The following NR2F1-AS1 variants were observed in gnomAD, a reference collection of about 807,000 sequenced individuals.
NR2F1-AS1 encodes NR2F1 antisense RNA 1.
rs567548530 is a variant in NR2F1-AS1 at position 93,457,075 on chromosome 5, C to T, written n.639-61533G>A. 7.2e-5 allele frequency among the ~76,000 whole-genome samples: 11 copies of T among 152,242 alleles called. 1 individual carries two copies. The East Asian group carries it at 9.7e-4, about 13-fold the overall frequency. The stretch of plus-strand genomic sequence containing the variant: ...ACCCAGACATTCTATTGCCCAGGGA[C>T]GAGCAGGAGACAGATGCCTTCCTCT... On this transcript the variant is annotated intron_variant and non_coding_transcript_variant, in intron 4 of 5. Transcript: ENST00000660523.
chr5:93,543,886 C>T (rs939936023), intron 4 of NR2F1-AS1: 3 of 152,144 alleles, frequency 2.0e-5, no homozygotes, highest in African/African-American at 7.2e-5. Context: ...TATGATTCAG[C>T]ATTGAGAAGT....
At chr5:93,459,926 A>G (rs934872339) in intron 4 of NR2F1-AS1, among the ~76,000 whole-genome samples, 11 of 152,216 alleles carry the variant, frequency 7.2e-5, no homozygotes, top group African/African-American at 2.4e-4. Context: ...TGATTCTACC[A>G]TATGAAAATG....
chr5:93,456,412 A>G lies in NR2F1-AS1; in HGVS notation n.639-60870T>C, dbSNP rs181314675. 2.7e-3 allele frequency among the ~76,000 whole-genome samples: 416 copies of G among 152,310 alleles called. 1 individual carries two copies. The highest frequency in any genetic ancestry group is 9.1e-3 in the African/African-American group (378 of 41,576). On this transcript the variant is annotated intron_variant and non_coding_transcript_variant, in intron 4 of 5. Coordinates refer to ENST00000660523, the Ensembl canonical transcript of NR2F1-AS1. ...CTATGTAAAAGATCTGTACAATGAA[A>G]ACTATAAAATGTTGCTGACAAACAT...
chr5:93,489,871 G>T (rs1334845391), intron 4 of NR2F1-AS1, among the ~76,000 whole-genome samples: 2 of 152,150 alleles, frequency 1.3e-5, no homozygotes, highest in Non-Finnish European at 2.9e-5. Context: ...GGGATAGTCA[G>T]ATGTTTGGTC....
intron 3 of NR2F1-AS1, among the ~76,000 whole-genome samples, chr5:93,554,481 C>A (rs1398539878): frequency 6.6e-6 from 1 of 152,098 alleles, no homozygotes. Context: ...CTAGTTGAAT[C>A]TCCTTCATAA....
rs142312001 is a variant in NR2F1-AS1, at chr5:93,478,214, T to C, written n.638+75547A>G. On this transcript the variant is annotated intron_variant and non_coding_transcript_variant, in intron 4 of 5. Transcript: ENST00000660523. ...GTAGAAAGACATACAATATGGAATC[T>C]ATGTCAGCAATAAGAGAAAAGACTG... 2.1e-3 allele frequency among the ~76,000 whole-genome samples: 319 copies of C among 152,284 alleles called. 2 individuals carry two copies. The highest frequency in any genetic ancestry group is 7.4e-3 in the African/African-American group (308 of 41,556).
At chr5:93,580,304 G>A (rs911241955) in intron 1 of NR2F1-AS1, among the ~76,000 whole-genome samples, 4 of 152,254 alleles carry the variant, frequency 2.6e-5, no homozygotes, top group African/African-American at 9.6e-5. Context: ...GGCCGAGCGA[G>A]GGCAACTCCC....
intron 4 of NR2F1-AS1, among the ~76,000 whole-genome samples, chr5:93,503,086 AT>A (rs1751117424): frequency 6.6e-6 from 1 of 152,192 alleles, no homozygotes; most frequent in African/African-American, 2.4e-5. Context: ...AACTATAAAA[AT>A]TTCTAACATA....
At chr5:93,568,259 G>C (rs1231429302) in intron 1 of NR2F1-AS1, among the ~76,000 whole-genome samples, 1 of 151,986 alleles carries the variant, frequency 6.6e-6, no homozygotes, top group Admixed American at 6.6e-5. Context: ...AGATAAATGT[G>C]GTTTTCTTTT....
intron 2 of NR2F1-AS1, among the ~76,000 whole-genome samples, chr5:93,562,027 A>G (rs1752499407): frequency 6.6e-6 from 1 of 151,714 alleles, no homozygotes; most frequent in Non-Finnish European, 1.5e-5. Flanking sequence ...GAAAAACTCT[A>G]AGATTTTTTT....
At chr5:93,461,658 T>C (rs1387930239) in intron 4 of NR2F1-AS1, among the ~76,000 whole-genome samples, 2 of 151,860 alleles carry the variant, frequency 1.3e-5, no homozygotes, top group Non-Finnish European at 2.9e-5. Flanking sequence ...AGCAAAGAGG[T>C]TCTCAAAGGA....
chr5:93,495,628 G>GA lies in NR2F1-AS1; in HGVS notation n.638+58132_638+58133insT, dbSNP rs1750942986. ...TAATACCTACTGTTTTACTCTATTT[G>GA]GAAAAAAAAATTGGACCTCAAAGTT... On this transcript the variant is annotated intron_variant and non_coding_transcript_variant, in intron 4 of 5. Transcript: ENST00000660523. Among the ~76,000 whole-genome samples, 14 of 150,814 alleles carry GA rather than the reference G, an allele frequency of 9.3e-5. No homozygotes were observed. In the East Asian group the frequency reaches 2.7e-3, roughly 29 times the overall value.
chr5:93,511,315 TG>T, intron 4 of NR2F1-AS1, among the ~76,000 whole-genome samples: 1 of 152,252 alleles, frequency 6.6e-6, no homozygotes, highest in Middle Eastern at 3.4e-3. Context: ...AGCTAGAACG[TG>T]GGTCTTCTCC....
At chr5:93,441,936 C>T (rs1378908259) in intron 4 of NR2F1-AS1, among the ~76,000 whole-genome samples, 2 of 152,226 alleles carry the variant, frequency 1.3e-5, no homozygotes, top group Non-Finnish European at 1.5e-5. Flanking sequence ...GAATACAGCA[C>T]ACTTATGACT....
intron 4 of NR2F1-AS1, among the ~76,000 whole-genome samples, chr5:93,453,597 A>G (rs1749883579): frequency 2.0e-5 from 3 of 152,188 alleles, no homozygotes; most frequent in Admixed American, 1.3e-4. Flanking sequence ...AAGCAGCCAG[A>G]GAGCAGGAAA....
chr5:93,526,645 A>G (rs1751623726), intron 4 of NR2F1-AS1, among the ~76,000 whole-genome samples: 1 of 152,178 alleles, frequency 6.6e-6, no homozygotes, highest in African/African-American at 2.4e-5. Flanking sequence ...AAGCTTATCT[A>G]CCACAATCAA....
intron 4 of NR2F1-AS1, among the ~76,000 whole-genome samples, chr5:93,457,208 A>T (rs1026640503): frequency 6.6e-6 from 1 of 152,126 alleles, no homozygotes; most frequent in Non-Finnish European, 1.5e-5. Flanking sequence ...CCACGAGGCC[A>T]TATTTCAGAT....
At chr5:93,471,734 G>C (rs1209090007) in intron 4 of NR2F1-AS1, among the ~76,000 whole-genome samples, 1 of 151,840 alleles carries the variant, frequency 6.6e-6, no homozygotes, top group African/African-American at 2.4e-5. Context: ...GCACAGTAAA[G>C]AAAGAACTGT....
Position 93,530,305 on chromosome 5 carries a change from A to G in NR2F1-AS1, n.638+23456T>C, listed in dbSNP as rs530755494. ...CCATTTTAGCCAGGAGAGTCTCTTG[A>G]TCTCCTGACCTCGTGATCCGCCTGC... On this transcript the variant is annotated intron_variant and non_coding_transcript_variant, in intron 4 of 5. Coordinates refer to ENST00000660523, the Ensembl canonical transcript of NR2F1-AS1. Among the ~76,000 whole-genome samples, 226 of 151,948 alleles carry G rather than the reference A, an allele frequency of 1.5e-3. 1 individual carries two copies. Among genetic ancestry groups the G allele is most frequent in the South Asian group, 3.9e-3 (19 of 4,814 alleles).
Sources: gnomAD v4.1 joint callset for allele counts (sites outside exome capture counted in the v4.1 genomes callset) on GRCh38, gnomAD v4.1.1 for gene constraint, MANE v1.5 for transcripts, NCBI Gene and HGNC (gene_info 2026-07-23, HGNC 2026-07-21) for gene names.